Variants in MSH3 observed in about 807,000 individuals in gnomAD.
The protein encoded by MSH3 is DNA mismatch repair protein Msh3.
In MSH3, 106 loss-of-function variants were observed where a neutral mutation model predicts 123.3. The ratio of observed to expected loss-of-function variants is 0.86; its 90% CI spans 0.73 to 1.01. MSH3 has a LOEUF of 1.01. Ranked by LOEUF, MSH3 falls within the 50% of genes least tolerant of loss-of-function variation. MSH3 has a pLI of 0.00. For synonymous variants in MSH3, 515 were observed against 481.4 expected (o/e 1.07, Z -0.91); for missense variants, 1,459 against 1,347.6 (o/e 1.08, Z -1.29).
chr5:80,713,407 G>A lies in MSH3; in HGVS notation c.1341-12046G>A, dbSNP rs141734650. Among the ~76,000 whole-genome samples, 582 of 151,952 alleles carry A rather than the reference G, an allele frequency of 3.8e-3. 4 individuals are homozygous for A. Among genetic ancestry groups the A allele is most frequent in the African/African-American group, 0.013 (544 of 41,430 alleles). The stretch of plus-strand genomic sequence containing the variant: ...TAAAATTAGAAGCTTTAATTTAACC[G>A]TCTAGCTTGGCATGCCCTGTGTAAT... On this transcript the variant is annotated intron_variant, in intron 8 of 23. Transcript: ENST00000265081.
intron 2 of MSH3, among the ~76,000 whole-genome samples, chr5:80,664,253 A>G (rs982301733): frequency 1.3e-5 from 2 of 152,182 alleles, no homozygotes; most frequent in Non-Finnish European, 2.9e-5. Context: ...AATGAATACA[A>G]TTTTGACATG....
chr5:80,660,629 CTTAGCCT>C (rs893257347), intron 2 of MSH3, among the ~76,000 whole-genome samples: 3 of 152,154 alleles, frequency 2.0e-5, no homozygotes, highest in African/African-American at 7.2e-5. Context: ...TTCGGAGATT[CTTAGCCT>C]TTAGCATATA....
intron 8 of MSH3, among the ~76,000 whole-genome samples, chr5:80,712,873 T>C (rs1229245117): frequency 2.0e-5 from 3 of 152,168 alleles, no homozygotes; most frequent in Non-Finnish European, 4.4e-5. Context: ...CTGTGAGCAC[T>C]GATAAAATTA....
chr5:80,841,117 C>T (rs1199811687), intron 20 of MSH3, among the ~76,000 whole-genome samples: 1 of 151,902 alleles, frequency 6.6e-6, no homozygotes, highest in Non-Finnish European at 1.5e-5. Context: ...CAAGTGTTCT[C>T]ATTGTTCAGT....
intron 20 of MSH3, among the ~76,000 whole-genome samples, chr5:80,838,872 T>A (rs904875570): frequency 6.6e-6 from 1 of 152,326 alleles, no homozygotes; most frequent in African/African-American, 2.4e-5. Flanking sequence ...TTACGACATT[T>A]ATACATTTTT....
chr5:80,745,428 A>G (rs1043321373), intron 12 of MSH3, among the ~76,000 whole-genome samples: 2 of 152,228 alleles, frequency 1.3e-5, no homozygotes, highest in Non-Finnish European at 2.9e-5. Context: ...CTGGTGTTTA[A>G]TACTCAAAAT....
chr5:80,695,420 C>T (rs182080902), intron 8 of MSH3, among the ~76,000 whole-genome samples: 9 of 152,116 alleles, frequency 5.9e-5, no homozygotes, highest in African/African-American at 1.7e-4. Flanking sequence ...CTGCAACCTC[C>T]GCCCCCCGGG....
intron 10 of MSH3, among the ~76,000 whole-genome samples, chr5:80,735,386 A>C (rs1471844396): frequency 6.7e-6 from 1 of 150,344 alleles, no homozygotes; most frequent in Non-Finnish European, 1.5e-5. Flanking sequence ...CATCTCAAAA[A>C]AAAAAAAAAA....
chr5:80,874,084 T>C (rs1426424856), intron 23 of MSH3, among the ~76,000 whole-genome samples: 1 of 152,150 alleles, frequency 6.6e-6, no homozygotes, highest in Non-Finnish European at 1.5e-5. Context: ...AGATTGTTGA[T>C]CGAATAGAAA....
chr5:80,803,890 T>G (rs1429238794), intron 19 of MSH3, among the ~76,000 whole-genome samples: 1 of 152,158 alleles, frequency 6.6e-6, no homozygotes, highest in Non-Finnish European at 1.5e-5. Flanking sequence ...GTTTCTGGGT[T>G]CTCTATTCTG....
At chr5:80,750,781 C>T (rs1407522389) in intron 12 of MSH3, among the ~76,000 whole-genome samples, 1 of 152,116 alleles carries the variant, frequency 6.6e-6, no homozygotes, top group Non-Finnish European at 1.5e-5. Flanking sequence ...GGTTCCTGAG[C>T]ATCCCAAGGC....
rs566447255 is a variant in MSH3, at chr5:80,850,447, G to A, written c.2814-3683G>A. Reference sequence around the variant, plus strand: ...ACCCGAGGCTGGGCAGTTTACAAAAGAAAGAGGTTTACTGGACTTACAGCT... The same window carrying A: ...ACCCGAGGCTGGGCAGTTTACAAAAAAAAGAGGTTTACTGGACTTACAGCT... On this transcript the variant is annotated intron_variant, in intron 20 of 23. Transcript: ENST00000265081. Among the ~76,000 whole-genome samples the A allele has an allele frequency of 3.3e-5, 5 of 152,304 alleles. 1 individual carries two copies. Among genetic ancestry groups the A allele is most frequent in the African/African-American group, 1.2e-4 (5 of 41,564 alleles).
chr5:80,849,090 A>G (rs906457585), intron 20 of MSH3, among the ~76,000 whole-genome samples: 5 of 152,202 alleles, frequency 3.3e-5, no homozygotes, highest in Admixed American at 2.0e-4. Context: ...GGCCCTATGC[A>G]AGTCTGAAAT....
At chr5:80,777,431 GAAATTACCAA>G (rs1744325662) in intron 16 of MSH3, among the ~76,000 whole-genome samples, 1 of 152,020 alleles carries the variant, frequency 6.6e-6, no homozygotes, top group Admixed American at 6.6e-5. Context: ...ATTATGAAGA[GAAATTACCAA>G]AAACCATGTT....
chr5:80,671,624 A>G (rs543045897), intron 4 of MSH3, among the ~76,000 whole-genome samples: 1 of 152,252 alleles, frequency 6.6e-6, no homozygotes, highest in East Asian at 1.9e-4. Context: ...GGACTAATAG[A>G]GTTCAGAGAA....
intron 19 of MSH3, among the ~76,000 whole-genome samples, chr5:80,804,841 G>A (rs1744860353): frequency 6.6e-6 from 1 of 151,964 alleles, no homozygotes; most frequent in Non-Finnish European, 1.5e-5. Context: ...AATCCAGCCT[G>A]AAGGGCTATC....
At chr5:80,655,172 G>A (rs1235512895) in intron 1 of MSH3, 5 of 451,604 alleles carry the variant, frequency 1.1e-5, no homozygotes, top group Non-Finnish European at 1.9e-5. Context: ...GAGGAGATAG[G>A]CAAAGGTTAT....
intron 20 of MSH3, among the ~76,000 whole-genome samples, chr5:80,850,725 C>T (rs1343505441): frequency 6.6e-6 from 1 of 152,196 alleles, no homozygotes; most frequent in Admixed American, 6.5e-5. Context: ...AAAGATGTGG[C>T]TGGGGACACA....
chr5:80,718,099 A>G (rs534166874), intron 8 of MSH3, among the ~76,000 whole-genome samples: 1 of 152,368 alleles, frequency 6.6e-6, no homozygotes, highest in Admixed American at 6.5e-5. Context: ...AGTCCAGGAT[A>G]TAGAGTTTTG....
Sources: allele counts gnomAD v4.1 joint callset (sites outside exome capture counted in the v4.1 genomes callset), GRCh38; gene constraint gnomAD v4.1.1; transcripts MANE v1.5; gene names NCBI Gene and HGNC (gene_info 2026-07-23, HGNC 2026-07-21).